The following DNAH7 variants were observed in gnomAD, a reference collection of about 807,000 sequenced individuals.
DNAH7 encodes the protein dynein axonemal heavy chain 7, also known as axonemal beta dynein heavy chain 7.
DNAH7 carries 397 observed loss-of-function variants against 444.6 expected under a neutral mutation model. That is an observed-to-expected ratio of 0.89 (90% confidence interval 0.82 to 0.97). The LOEUF (loss-of-function observed/expected upper bound fraction) is 0.97, where lower values mean the gene tolerates loss of function less well. Ranked by LOEUF, DNAH7 falls within the 50% of genes least tolerant of loss-of-function variation. DNAH7 has a pLI of 0.00. For synonymous variants in DNAH7, 1,636 were observed against 1,624.4 expected (o/e 1.01, Z -0.17); for missense variants, 4,902 against 4,800.8 (o/e 1.02, Z -0.62).
At chr2:195,932,183 C>T (rs577480924) in intron 21 of DNAH7, among the ~76,000 whole-genome samples, 1 of 152,290 alleles carries the variant, frequency 6.6e-6, no homozygotes, top group South Asian at 2.1e-4. Context: ...CTCTTTGAAG[C>T]AATTGTGAAT....
chr2:195,897,472 A>G (rs891307684), intron 29 of DNAH7, among the ~76,000 whole-genome samples, 195 bp downstream of exon 29: 4 of 152,134 alleles, frequency 2.6e-5, no homozygotes, highest in African/African-American at 9.6e-5. Flanking sequence ...TAAAAGTACT[A>G]TTTTAAAATC....
At position 196,005,298 on chromosome 2, in the gene DNAH7, AC is replaced by A. The variant is rs1239494218; in HGVS notation, c.990-3441del. On this transcript the variant is annotated intron_variant, in intron 10 of 64. Coordinates refer to ENST00000312428, the MANE Select transcript of DNAH7 (RefSeq NM_018897.3). The stretch of plus-strand genomic sequence containing the variant: ...CCAAAACAAACAAACAAACAAACAA[AC>A]AAACAAAAATATATATATATATATA... Among the ~76,000 whole-genome samples, 1,309 of 148,702 alleles carry A rather than the reference AC, an allele frequency of 8.8e-3. 27 individuals carry two copies. Among genetic ancestry groups the A allele is most frequent in the African/African-American group, 0.032 (1,228 of 38,834 alleles).
intron 18 of DNAH7, among the ~76,000 whole-genome samples, chr2:195,958,534 G>A (rs978446690): frequency 1.3e-5 from 2 of 152,026 alleles, no homozygotes; most frequent in Non-Finnish European, 2.9e-5. Context: ...AATTGTTCAA[G>A]GGTCAACTGT....
intron 54 of DNAH7, among the ~76,000 whole-genome samples, chr2:195,804,060 A>G (rs1574465818): frequency 1.1e-5 from 1 of 91,570 alleles, no homozygotes; most frequent in Non-Finnish European, 2.7e-5. Flanking sequence ...AGAGGGGGGG[A>G]AGGAGACCCC....
In DNAH7 at chr2:195,886,156, A is replaced by G; in HGVS notation, c.5523T>C (p.Thr1841=). The change falls in exon 34 of 65, where the codon ACT becomes ACC. Residue 1841 remains threonine (T), a synonymous_variant. Transcript: ENST00000312428. ...CGGACCTTACCTCAAGCAAAGAGTA[A>G]GTTTCTCGATCATTTCTCTCCTTTA... ...VKLKERNDRE[T]YSLLEGIFLF... is the part of the protein sequence containing the mutation. The G allele has an allele frequency of 6.2e-7, 1 of 1,613,376 alleles. No homozygotes were observed. Among genetic ancestry groups the G allele is most frequent in the Non-Finnish European group, 8.5e-7 (1 of 1,179,690 alleles).
intron 47 of DNAH7, among the ~76,000 whole-genome samples, chr2:195,838,405 A>C (rs1222585161): frequency 6.6e-6 from 1 of 152,074 alleles, no homozygotes; most frequent in African/African-American, 2.4e-5. Context: ...AGATATTATA[A>C]CCATCCTCCA....
chr2:195,918,856 C>T (rs1330600817), intron 24 of DNAH7, among the ~76,000 whole-genome samples: 2 of 152,156 alleles, frequency 1.3e-5, no homozygotes, highest in Non-Finnish European at 2.9e-5. Context: ...CAGAACTCTA[C>T]AACGCAGTAG....
chr2:195,876,734 G>A (rs1171314405), intron 36 of DNAH7, 35 bp from the exon 37 acceptor site: 32 of 1,434,850 alleles, frequency 2.2e-5, no homozygotes, highest in Non-Finnish European at 2.9e-5. Flanking sequence ...GCCATAGTTG[G>A]AATTATGTTT....
At position 195,756,290 on chromosome 2, in the gene DNAH7, A is replaced by G; in HGVS notation, c.11434-5T>C. On this transcript the variant is annotated splice_region_variant and splice_polypyrimidine_tract_variant and intron_variant, in intron 61 of 64. Transcript: ENST00000312428. ...TGTAGACATGACTGCAAGCCCCTGA[A>G]ACACATTTAACCTTGGTTAATATAA... 2.5e-6 allele frequency: 4 copies of G among 1,601,452 alleles called. No homozygotes were observed. Among genetic ancestry groups the G allele is most frequent in the Non-Finnish European group, 3.4e-6 (4 of 1,172,490 alleles).
chr2:195,987,891 T>C, intron 13 of DNAH7, 66 bp downstream of exon 13: 3 of 1,413,426 alleles, frequency 2.1e-6, no homozygotes, highest in Non-Finnish European at 2.9e-6. Context: ...TAAAAATACA[T>C]CCTAATAAAA....
At chr2:195,779,329 G>T (rs1220442438) in intron 58 of DNAH7, among the ~76,000 whole-genome samples, 1 of 152,050 alleles carries the variant, frequency 6.6e-6, no homozygotes, top group Non-Finnish European at 1.5e-5. Flanking sequence ...TGATTCTTCA[G>T]TCTAGATTCC....
intron 5 of DNAH7, among the ~76,000 whole-genome samples, chr2:196,044,950 G>A (rs915697873): frequency 1.3e-5 from 2 of 151,934 alleles, no homozygotes; most frequent in African/African-American, 2.4e-5. Flanking sequence ...TGTGGCACGT[G>A]CCTTAGTCAG....
chr2:195,987,996 G>A lies in DNAH7; in HGVS notation c.1587C>T (p.Tyr529=). The A allele has an allele frequency of 6.2e-7, 1 of 1,612,356 alleles. No homozygotes were observed. Among genetic ancestry groups the A allele is most frequent in the Non-Finnish European group, 8.5e-7 (1 of 1,179,124 alleles). ...YEKIIDEICK[Y]QKLIEEIQYT... is the part of the protein sequence containing the mutation. The stretch of plus-strand genomic sequence containing the variant: ...ACTGTATTTCCTCTATTAGTTTCTG[G>A]TATTTGCAAATTTCATCTATTATTT... Residue 529 remains tyrosine (Y), a synonymous_variant, in exon 13 of 65, where the codon TAC becomes TAT. Transcript: ENST00000312428.
At chr2:195,822,792 T>G (rs2124910659) in intron 49 of DNAH7, among the ~76,000 whole-genome samples, 1 of 152,314 alleles carries the variant, frequency 6.6e-6, no homozygotes, top group African/African-American at 2.4e-5. Context: ...GTAAAAAAGG[T>G]TTTCCATGTC....
At position 195,852,104 on chromosome 2, in the gene DNAH7, A is replaced by T. The variant is rs191900482; in HGVS notation, c.8781+1239T>A. Reference sequence around the variant, plus strand: ...AAACCCCGTCTCTACTAAAAATACAAAAAATTAGCCAGGCGTGGTGGCGGG... The same window carrying T: ...AAACCCCGTCTCTACTAAAAATACATAAAATTAGCCAGGCGTGGTGGCGGG... On this transcript the variant is annotated intron_variant, in intron 46 of 64. Coordinates refer to ENST00000312428, the MANE Select transcript of DNAH7 (RefSeq NM_018897.3). 4.0e-3 allele frequency among the ~76,000 whole-genome samples: 606 copies of T among 152,116 alleles called. 5 individuals are homozygous for T. Among genetic ancestry groups the T allele is most frequent in the Admixed American group, 5.2e-3 (79 of 15,288 alleles).
chr2:195,885,868 A>G (rs1264810212), intron 34 of DNAH7, among the ~76,000 whole-genome samples: 1 of 152,186 alleles, frequency 6.6e-6, no homozygotes, highest in Non-Finnish European at 1.5e-5. Flanking sequence ...GATCATGTCT[A>G]AGGCTGGTCA....
chr2:195,828,148 T>C (rs771319181), intron 48 of DNAH7, among the ~76,000 whole-genome samples: 9 of 152,316 alleles, frequency 5.9e-5, no homozygotes, highest in Non-Finnish European at 1.2e-4. Flanking sequence ...AATTGACGCA[T>C]CTTAAAAAAT....
chr2:195,938,746 A>C (rs916038758), intron 19 of DNAH7, among the ~76,000 whole-genome samples: 6 of 152,194 alleles, frequency 3.9e-5, no homozygotes, highest in African/African-American at 1.4e-4. Flanking sequence ...TTCCAGGGTC[A>C]AACCTATTTA....
intron 61 of DNAH7, among the ~76,000 whole-genome samples, chr2:195,760,070 A>G (rs1469233940): frequency 6.6e-6 from 1 of 152,166 alleles, no homozygotes. Flanking sequence ...ATTCACCACA[A>G]GGTGGCTAAA....
Sources: allele counts gnomAD v4.1 joint callset (sites outside exome capture counted in the v4.1 genomes callset), GRCh38; gene constraint gnomAD v4.1.1; transcripts MANE v1.5; gene names NCBI Gene and HGNC (gene_info 2026-07-23, HGNC 2026-07-21).